The following BANP variants were observed in gnomAD, a reference collection of about 807,000 sequenced individuals.
BANP encodes BTG3 associated nuclear protein, also known as protein BANP.
In BANP, 11 loss-of-function variants were observed where a neutral mutation model predicts 68.1. The ratio of observed to expected loss-of-function variants is 0.16; its 90% confidence interval spans 0.10 to 0.27. The LOEUF (loss-of-function observed/expected upper bound fraction) is 0.27, where lower values mean the gene tolerates loss of function less well. Ranked by LOEUF, BANP falls within the 10% of genes least tolerant of loss-of-function variation. BANP has a pLI of 1.00. For missense variants in BANP, 504 were observed against 722.7 expected, an observed-to-expected ratio of 0.70 and a Z score of 3.47; for synonymous variants, 329 against 303.2, an observed-to-expected ratio of 1.09 and a Z score of -0.88.
At chr16:87,968,872 C>T (rs1337053896) in intron 1 of BANP, among the ~76,000 whole-genome samples, 1 of 152,180 alleles carries the variant, frequency 6.6e-6, no homozygotes, top group East Asian at 1.9e-4. Flanking sequence ...TAAAAGTATA[C>T]TTCTTTTTCT....
At chr16:87,951,408 C>T (rs1401935959), upstream of BANP, 1 of 151,670 alleles carries the variant, frequency 6.6e-6, no homozygotes, top group Non-Finnish European at 1.5e-5. Context: ...CCGAGCGTCG[C>T]GGGGAGGGGC....
intron 11 of BANP, among the ~76,000 whole-genome samples, chr16:88,047,983 G>T (rs1043457907): frequency 1.1e-4 from 16 of 152,254 alleles, no homozygotes; most frequent in African/African-American, 3.9e-4. Flanking sequence ...TTAGGGGGCT[G>T]TCCCCTGGGG....
intron 8 of BANP, 145 bp downstream of exon 8, chr16:88,027,795 C>T: frequency 2.0e-6 from 2 of 991,272 alleles, no homozygotes; most frequent in South Asian, 3.3e-5. Flanking sequence ...GCGCACGGAG[C>T]AGTGGAGCCG....
intron 1 of BANP, among the ~76,000 whole-genome samples, chr16:87,972,031 G>T (rs1040425575): frequency 2.0e-5 from 3 of 152,260 alleles, no homozygotes; most frequent in Non-Finnish European, 4.4e-5. Flanking sequence ...AACCTCAAAT[G>T]GTCCTCCTGC....
rs2079531369 is a variant in BANP at position 88,036,986 on chromosome 16, G to A, written c.1273-987G>A. Reference sequence around the variant, plus strand: ...CCAGTGCAGGAGCTGCCTTTGAGGGGCAGGGGAAGGTTTGCTTCTCAAGGC... The same window carrying A: ...CCAGTGCAGGAGCTGCCTTTGAGGGACAGGGGAAGGTTTGCTTCTCAAGGC... On this transcript the variant is annotated intron_variant, in intron 10 of 13. Coordinates refer to ENST00000682872, the MANE Select transcript of BANP (RefSeq NM_001386991.1). The surrounding 1 kb of genome is among the most constrained non-coding windows in gnomAD (Gnocchi z 4.2). Among the ~76,000 whole-genome samples, 1 of 152,200 alleles carries A rather than the reference G, an allele frequency of 6.6e-6. No homozygotes were observed. The highest frequency in any genetic ancestry group is 2.4e-5 in the African/African-American group (1 of 41,456).
chr16:88,074,103 A>T (rs557695882), intron 13 of BANP, among the ~76,000 whole-genome samples: 43 of 152,296 alleles, frequency 2.8e-4, no homozygotes, highest in African/African-American at 9.9e-4. Flanking sequence ...TCCTCAGGCT[A>T]GCTCTGCCCC....
At chr16:88,021,851 A>C (rs1483042366) in intron 7 of BANP, among the ~76,000 whole-genome samples, 3 of 152,194 alleles carry the variant, frequency 2.0e-5, no homozygotes, top group African/African-American at 4.8e-5. Context: ...ACGAGGGAGA[A>C]GATTTTGATT....
At chr16:87,954,619 C>T (rs544498826) in intron 1 of BANP, among the ~76,000 whole-genome samples, 64 of 152,342 alleles carry the variant, frequency 4.2e-4, no homozygotes, top group African/African-American at 1.3e-3. Flanking sequence ...CTTTGCTGGC[C>T]GTGGGGGAGT....
intron 12 of BANP, among the ~76,000 whole-genome samples, chr16:88,067,706 A>G (rs2089099011): frequency 6.6e-6 from 1 of 150,980 alleles, no homozygotes; most frequent in African/African-American, 2.4e-5. Flanking sequence ...TGCTCTGGCC[A>G]CCCCTGCCCT....
chr16:88,068,250 G>A (rs928678513), intron 12 of BANP, among the ~76,000 whole-genome samples: 7 of 152,332 alleles, frequency 4.6e-5, no homozygotes, highest in East Asian at 3.9e-4. Context: ...TCTGCTGCTC[G>A]CCCCAGGCTT....
chr16:88,064,950 T>A lies in BANP; in HGVS notation c.1312-317T>A, dbSNP rs1344147505. Among the ~76,000 whole-genome samples the A allele has an allele frequency of 6.6e-6, 1 of 152,232 alleles. No homozygotes were observed. On this transcript the variant is annotated intron_variant, in intron 11 of 13. Coordinates refer to ENST00000682872, the MANE Select transcript of BANP (RefSeq NM_001386991.1). The surrounding 1 kb of genome is among the most constrained non-coding windows in gnomAD (Gnocchi z 4.5). ...TCTCCTCCAATTTTGTTTTGGCTTT[T>A]AAAAACTCCTACAGTACAAACTCTT...
chr16:88,043,430 G>A (rs556054225), intron 11 of BANP, among the ~76,000 whole-genome samples: 3 of 152,316 alleles, frequency 2.0e-5, no homozygotes, highest in Admixed American at 6.5e-5. Flanking sequence ...TGCCTCACTG[G>A]GGGTGTGAGG....
At chr16:87,964,018 G>T (rs886461840) in intron 1 of BANP, among the ~76,000 whole-genome samples, 20 of 152,220 alleles carry the variant, frequency 1.3e-4, no homozygotes, top group Admixed American at 1.3e-3. Flanking sequence ...AGCCTTTGCT[G>T]ACAGTGGATG....
At chr16:88,068,215 G>T (rs957871859) in intron 12 of BANP, among the ~76,000 whole-genome samples, 4 of 152,278 alleles carry the variant, frequency 2.6e-5, no homozygotes, top group African/African-American at 9.6e-5. Flanking sequence ...GGGGATGGAG[G>T]AGGTGCGGGC....
At chr16:88,015,532 G>A (rs910347666) in intron 6 of BANP, among the ~76,000 whole-genome samples, 14 of 152,124 alleles carry the variant, frequency 9.2e-5, no homozygotes, top group African/African-American at 3.4e-4. Flanking sequence ...GGCCCAGGCC[G>A]ATGCTGCTCC....
intron 4 of BANP, among the ~76,000 whole-genome samples, chr16:87,992,375 G>A (rs1406773076): frequency 6.6e-6 from 1 of 152,186 alleles, no homozygotes; most frequent in Non-Finnish European, 1.5e-5. Context: ...ACGGAGCTGG[G>A]AGGCTGCCCC....
At chr16:88,030,719 C>T (rs7184971) in intron 8 of BANP, among the ~76,000 whole-genome samples, 5,005 of 152,252 alleles carry the variant, frequency 0.033, 281 homozygotes, top group African/African-American at 0.11. Flanking sequence ...TTGCTGGCTG[C>T]GCTGGTAGGC....
At chr16:87,955,786 A>G (rs1432705274) in intron 1 of BANP, among the ~76,000 whole-genome samples, 2 of 152,162 alleles carry the variant, frequency 1.3e-5, no homozygotes, top group African/African-American at 4.8e-5. Flanking sequence ...AGACGTTGAC[A>G]CCAAGGACCC....
chr16:88,039,372 C>CA (rs2080198974), intron 11 of BANP, among the ~76,000 whole-genome samples: 1 of 143,364 alleles, frequency 7.0e-6, no homozygotes, highest in African/African-American at 2.4e-5. Flanking sequence ...CCGTGGTTCT[C>CA]ACGGTCACGG....
Sources: gnomAD v4.1 joint callset for allele counts (sites outside exome capture counted in the v4.1 genomes callset) on GRCh38, gnomAD v4.1.1 for gene constraint, Gnocchi (gnomAD v3.1) non-coding constraint, MANE v1.5 for transcripts, NCBI Gene and HGNC (gene_info 2026-07-23, HGNC 2026-07-21) for gene names.